RAI1: variants seen among roughly 807,000 people sequenced by gnomAD.
RAI1 encodes retinoic acid induced 1.
A neutral mutation model predicts 123.8 loss-of-function variants in RAI1; 9 were observed. The ratio of observed to expected loss-of-function variants is 0.07; its 90% CI spans 0.04 to 0.13. The LOEUF is 0.13. Among genes scored for constraint, RAI1 ranks in the 10% least tolerant of loss-of-function variants. RAI1 has a pLI of 1.00. For synonymous variants in RAI1, 1,231 were observed against 1,127.3 expected, an observed-to-expected ratio of 1.09 and a Z score of -1.84; for missense variants, 2,256 against 2,545.8, an observed-to-expected ratio of 0.89 and a Z score of 2.45.
rs186885820 is a variant in RAI1 at position 17,699,442 on chromosome 17, C to T, written c.-149+17649C>T. On this transcript the variant is annotated intron_variant, in intron 1 of 5. Transcript: ENST00000353383. ...TGAAGAATTAGTCCCCTATTTTGCC[C>T]CAAAATTGCAGAGAAAAGCATTTAT... 2.5e-4 allele frequency among the ~76,000 whole-genome samples: 38 copies of T among 152,288 alleles called. No homozygotes were observed. In the East Asian group the frequency reaches 4.4e-3, roughly 18 times the overall value.
intron 2 of RAI1, chr17:17,778,699 G>A (rs970706693): frequency 3.1e-5 from 14 of 456,492 alleles, no homozygotes; most frequent in Admixed American, 3.1e-4. Flanking sequence ...CCTCTCAAAA[G>A]CCTCCCTTTC....
chr17:17,811,362 T>C lies in RAI1; in HGVS notation c.*1381T>C, dbSNP rs1401408178. ...TGTGTATCGAGCTGTTTCTAAAAGA[T>C]GTTTATTTTCCTTAAGAGTAAAAAA... On this transcript the variant is annotated 3_prime_UTR_variant, in exon 6 of 6. Coordinates refer to ENST00000353383, the MANE Select transcript of RAI1 (RefSeq NM_030665.4). 4.1e-6 allele frequency: 1 copy of C among 240,970 alleles called. No homozygotes were observed. Among genetic ancestry groups the C allele is most frequent in the Non-Finnish European group, 8.3e-6 (1 of 120,644 alleles). 14.9% of individuals were successfully genotyped at this position (240,970 alleles called of 1,614,324 possible). A position where few individuals can be genotyped will look rare whatever the true frequency, so the allele number is the denominator to read the frequency against.
At position 17,754,361 on chromosome 17, in the gene RAI1, C is replaced by T. The variant is rs1251455063; in HGVS notation, c.-17+30202C>T. ...AAGCAACTCTCCTGCCTCAGCCTCC[C>T]GAGTAGCTGGGATTACAGGCATGCG... On this transcript the variant is annotated intron_variant, in intron 2 of 5. Coordinates refer to ENST00000353383, the MANE Select transcript of RAI1 (RefSeq NM_030665.4). Among the ~76,000 whole-genome samples, 3 of 152,056 alleles carry T rather than the reference C, an allele frequency of 2.0e-5. No homozygotes were observed. The South Asian group carries it at 6.2e-4, about 32-fold the overall frequency.
intron 1 of RAI1, among the ~76,000 whole-genome samples, chr17:17,713,954 C>T (rs1020775658): frequency 1.3e-5 from 2 of 152,112 alleles, no homozygotes; most frequent in African/African-American, 4.8e-5. Flanking sequence ...AATTCCATTC[C>T]TGCTCACATG....
At chr17:17,718,134 C>T (rs151333879) in intron 1 of RAI1, among the ~76,000 whole-genome samples, 2,214 of 152,292 alleles carry the variant, frequency 0.015, 55 homozygotes, top group African/African-American at 0.05. Flanking sequence ...TCTCCCCTCT[C>T]CCCCTGCTTC....
At chr17:17,706,918 A>T (rs1915413103) in intron 1 of RAI1, among the ~76,000 whole-genome samples, 1 of 152,188 alleles carries the variant, frequency 6.6e-6, no homozygotes, top group African/African-American at 2.4e-5. Flanking sequence ...AGTTATTGAG[A>T]TCCTACTGTG....
chr17:17,723,050 G>C (rs1353122864), intron 1 of RAI1, among the ~76,000 whole-genome samples: 1 of 152,044 alleles, frequency 6.6e-6, no homozygotes, highest in Non-Finnish European at 1.5e-5. Context: ...TTAACCCAAA[G>C]CCCCGTACAG....
chr17:17,699,483 T>G (rs1915142242), intron 1 of RAI1, among the ~76,000 whole-genome samples: 1 of 152,234 alleles, frequency 6.6e-6, no homozygotes, highest in South Asian at 2.1e-4. Flanking sequence ...CATTCACTCA[T>G]TCATTTGCTT....
chr17:17,709,348 C>CA (rs1201748717), intron 1 of RAI1, among the ~76,000 whole-genome samples: 3 of 152,172 alleles, frequency 2.0e-5, no homozygotes, highest in Admixed American at 6.5e-5. Context: ...GGGCTCCTCT[C>CA]AGTCTCTCTT....
At chr17:17,694,868 C>T (rs1379478541) in intron 1 of RAI1, among the ~76,000 whole-genome samples, 1 of 151,836 alleles carries the variant, frequency 6.6e-6, no homozygotes, top group East Asian at 1.9e-4. Flanking sequence ...TGGCGGATCC[C>T]GGGTCTTTTT....
intron 1 of RAI1, among the ~76,000 whole-genome samples, chr17:17,708,784 A>T (rs182472564): frequency 3.2e-4 from 49 of 152,346 alleles, no homozygotes; most frequent in Non-Finnish European, 6.8e-4. Context: ...TCCCAGTCAC[A>T]GGCTGGGCAC....
intron 1 of RAI1, among the ~76,000 whole-genome samples, chr17:17,723,298 C>T (rs572967608): frequency 2.6e-5 from 4 of 151,386 alleles, no homozygotes; most frequent in Admixed American, 6.6e-5. Flanking sequence ...ATCATTCAGT[C>T]AAACTGAGAC....
Position 17,794,249 on chromosome 17 carries a change from G to C in RAI1, c.1301G>C (p.Ser434Thr). Residue 434 changes from serine to threonine, a missense_variant, in exon 3 of 6, where the codon AGC becomes ACC. Transcript: ENST00000353383. ...ENLLSDLSLQSLTALTSQVEN... is the reference protein window; with the variant it reads ...ENLLSDLSLQTLTALTSQVEN... ...CTGCTGTCGGATCTCAGCCTGCAGA[G>C]CCTCACGGCGCTGACCTCACAGGTG... The C allele has an allele frequency of 1.2e-6, 2 of 1,613,334 alleles. No individual in the cohort carries two copies. Among genetic ancestry groups the C allele is most frequent in the Non-Finnish European group, 1.7e-6 (2 of 1,180,046 alleles).
intron 2 of RAI1, among the ~76,000 whole-genome samples, chr17:17,783,725 G>A (rs1005601508): frequency 9.2e-5 from 14 of 152,004 alleles, no homozygotes; most frequent in Non-Finnish European, 1.9e-4. Flanking sequence ...TCTGGTCCTG[G>A]CCGGGGCGCC....
At chr17:17,689,532 C>T (rs931502916) in intron 1 of RAI1, among the ~76,000 whole-genome samples, 1 of 152,332 alleles carries the variant, frequency 6.6e-6, no homozygotes, top group Non-Finnish European at 1.5e-5. Context: ...CACAAACTCT[C>T]ATTCATTCGT....
rs1158475382 is a variant in RAI1 at position 17,754,191 on chromosome 17, C to CTTTTTTTTT, written c.-17+30054_-17+30062dup. On this transcript the variant is annotated intron_variant, in intron 2 of 5. Transcript: ENST00000353383. ...TTTTATGCCATTCGCCTAACCCAAT[C>CTTTTTTTTT]TTTTTTTTTTTTTTTTTTTTTTTTT... is the stretch of plus-strand genomic sequence containing the variant. 1.8e-4 allele frequency among the ~76,000 whole-genome samples: 14 copies of CTTTTTTTTT among 75,720 alleles called. 2 individuals are homozygous for CTTTTTTTTT. Among genetic ancestry groups the CTTTTTTTTT allele is most frequent in the African/African-American group, 4.6e-4 (8 of 17,356 alleles). 49.7% of individuals were successfully genotyped at this position (75,720 alleles called of 152,430 possible).
At chr17:17,711,178 A>G (rs753132351) in intron 1 of RAI1, among the ~76,000 whole-genome samples, 3 of 152,170 alleles carry the variant, frequency 2.0e-5, no homozygotes, top group African/African-American at 4.8e-5. Context: ...CCCTGCATGC[A>G]GGTGGGGCGA....
chr17:17,791,479 C>T (rs1235149862), intron 2 of RAI1, among the ~76,000 whole-genome samples: 1 of 152,148 alleles, frequency 6.6e-6, no homozygotes, highest in East Asian at 1.9e-4. Context: ...CTCTCCCCCT[C>T]TCTTTGTCCC....
chr17:17,810,073 T>G lies in RAI1; in HGVS notation c.*92T>G. ...GCCGCCTGCGCAGCCCCCGGGCCTT[T>G]GAGCTGCTCCCAGCGCTGGTCCAGA... On this transcript the variant is annotated 3_prime_UTR_variant, in exon 6 of 6. Coordinates refer to ENST00000353383, the MANE Select transcript of RAI1 (RefSeq NM_030665.4). This position sits in a 1 kb window ranked among gnomAD's most constrained non-coding sequence, Gnocchi z 4.6. 4.0e-6 allele frequency: 6 copies of G among 1,497,642 alleles called. 1 individual carries two copies. The South Asian group carries it at 6.1e-5, about 15-fold the overall frequency. 92.8% of individuals were successfully genotyped at this position (1,497,642 alleles called of 1,614,324 possible).
Sources: allele counts gnomAD v4.1 joint callset (sites outside exome capture counted in the v4.1 genomes callset), GRCh38; gene constraint gnomAD v4.1.1; non-coding constraint Gnocchi (gnomAD v3.1); transcripts MANE v1.5; gene names NCBI Gene and HGNC (gene_info 2026-07-23, HGNC 2026-07-21).